MACROD2: variants seen among roughly 807,000 people sequenced by gnomAD.
The protein encoded by MACROD2 is ADP-ribose glycohydrolase MACROD2.
In MACROD2, 36 loss-of-function variants were observed where a neutral mutation model predicts 70.4. That is an observed-to-expected ratio of 0.51 (90% CI 0.39 to 0.68). The LOEUF is 0.68. MACROD2 is among the 30% of genes least tolerant of loss of function. MACROD2 has a pLI of 0.00. For missense variants in MACROD2, 496 were observed against 538.4 expected (o/e 0.92, Z 0.78); for synonymous variants, 172 against 178.8 (o/e 0.96, Z 0.30).
chr20:15,351,804 A>G (rs866230600), intron 6 of MACROD2, among the ~76,000 whole-genome samples: 4 of 152,168 alleles, frequency 2.6e-5, no homozygotes, highest in Non-Finnish European at 5.9e-5. Flanking sequence ...TCTTCACTGT[A>G]CCCTCTACTA....
chr20:15,798,278 T>G (rs1193174336), intron 8 of MACROD2, among the ~76,000 whole-genome samples: 1 of 152,152 alleles, frequency 6.6e-6, no homozygotes, highest in African/African-American at 2.4e-5. Flanking sequence ...CAAATGCCTG[T>G]GATTGGGTGC....
chr20:14,383,180 A>G (rs1161351415), intron 3 of MACROD2, among the ~76,000 whole-genome samples: 4 of 152,208 alleles, frequency 2.6e-5, no homozygotes, highest in African/African-American at 7.2e-5. Flanking sequence ...CTAAGTACCA[A>G]TTGAAGGGAC....
chr20:14,762,769 A>C (rs936318849), intron 5 of MACROD2, among the ~76,000 whole-genome samples: 9 of 151,994 alleles, frequency 5.9e-5, no homozygotes, highest in Admixed American at 5.9e-4. Flanking sequence ...GTCTCTACTG[A>C]AAATGCAAAA....
At chr20:14,806,928 G>A (rs2072646255) in intron 5 of MACROD2, among the ~76,000 whole-genome samples, 1 of 152,156 alleles carries the variant, frequency 6.6e-6, no homozygotes, top group Non-Finnish European at 1.5e-5. Flanking sequence ...TGAAATAAAG[G>A]CAGCAGCCCC....
At chr20:14,268,477 AT>A (rs2082162639) in intron 3 of MACROD2, among the ~76,000 whole-genome samples, 1 of 152,120 alleles carries the variant, frequency 6.6e-6, no homozygotes, top group Non-Finnish European at 1.5e-5. Flanking sequence ...AATCCCCTAT[AT>A]TTCTTGTAAA....
At chr20:14,669,487 G>A (rs2123556708) in intron 4 of MACROD2, among the ~76,000 whole-genome samples, 1 of 152,188 alleles carries the variant, frequency 6.6e-6, no homozygotes, top group Admixed American at 6.5e-5. Flanking sequence ...TGGGGTATAA[G>A]CCATAAAATG....
chr20:15,544,728 A>G (rs1244088760), intron 8 of MACROD2, among the ~76,000 whole-genome samples: 3 of 152,138 alleles, frequency 2.0e-5, no homozygotes, highest in Non-Finnish European at 4.4e-5. Flanking sequence ...CTTAGTTGCT[A>G]TTGTCTTTGT....
chr20:15,729,355 T>C (rs1329779944), intron 8 of MACROD2, among the ~76,000 whole-genome samples: 3 of 152,228 alleles, frequency 2.0e-5, no homozygotes, highest in Non-Finnish European at 4.4e-5. Flanking sequence ...GAAGAATGCA[T>C]ATTCTGTTCT....
chr20:14,093,978 GT>G (rs1185276692), intron 3 of MACROD2, among the ~76,000 whole-genome samples: 5,900 of 148,084 alleles, frequency 0.04, 152 homozygotes, highest in African/African-American at 0.074. Flanking sequence ...GAGGGCTGAG[GT>G]TTTTTTTTTT....
At chr20:14,609,961 C>T (rs1429181793) in intron 4 of MACROD2, among the ~76,000 whole-genome samples, 1 of 152,048 alleles carries the variant, frequency 6.6e-6, no homozygotes, top group African/African-American at 2.4e-5. Flanking sequence ...TTTTGTTCTT[C>T]TTTTTTCGTA....
intron 4 of MACROD2, among the ~76,000 whole-genome samples, chr20:14,495,578 A>T (rs1304629759): frequency 2.0e-5 from 3 of 152,194 alleles, no homozygotes; most frequent in African/African-American, 7.2e-5. Flanking sequence ...AAAACAGTGT[A>T]ATGTACCTGC....
At chr20:15,636,089 A>AAAAAAAAAAAAGAAAG (rs1459679844) in intron 8 of MACROD2, among the ~76,000 whole-genome samples, 1 of 134,982 alleles carries the variant, frequency 7.4e-6, no homozygotes, top group African/African-American at 2.7e-5. Context: ...AAAAAAAAAA[A>AAAAAAAAAAAAGAAAG]AAAGAAAGAA....
chr20:15,940,351 C>A (rs187067257), intron 12 of MACROD2, among the ~76,000 whole-genome samples: 2 of 152,124 alleles, frequency 1.3e-5, no homozygotes, highest in Admixed American at 1.3e-4. Context: ...CCGCCTTGGC[C>A]TCCCAAAGTG....
At chr20:15,407,489 G>A (rs2146318786) in intron 6 of MACROD2, among the ~76,000 whole-genome samples, 1 of 152,272 alleles carries the variant, frequency 6.6e-6, no homozygotes, top group African/African-American at 2.4e-5. Flanking sequence ...GTCTGGTTTT[G>A]GGGATCCCAA....
intron 15 of MACROD2, among the ~76,000 whole-genome samples, chr20:15,993,328 C>G (rs1295910804): frequency 2.0e-5 from 3 of 151,220 alleles, no homozygotes; most frequent in African/African-American, 7.3e-5. Context: ...TCGTATATGT[C>G]CCGGTGGTCC....
At chr20:15,044,982 G>C (rs1011453127) in intron 5 of MACROD2, among the ~76,000 whole-genome samples, 2 of 152,090 alleles carry the variant, frequency 1.3e-5, no homozygotes, top group Non-Finnish European at 2.9e-5. Context: ...GTCAATGTAA[G>C]AGTTTTCTAC....
intron 6 of MACROD2, among the ~76,000 whole-genome samples, chr20:15,257,194 T>G (rs1361103899): frequency 6.6e-6 from 1 of 152,064 alleles, no homozygotes; most frequent in Non-Finnish European, 1.5e-5. Flanking sequence ...TATACATACC[T>G]GTGAAACACC....
At chr20:14,106,052 C>T (rs956063576) in intron 3 of MACROD2, among the ~76,000 whole-genome samples, 1 of 152,126 alleles carries the variant, frequency 6.6e-6, no homozygotes, top group Non-Finnish European at 1.5e-5. Flanking sequence ...GCTGTGGTGG[C>T]TATGGTGAAA....
intron 4 of MACROD2, among the ~76,000 whole-genome samples, chr20:14,543,525 G>A (rs1055750395): frequency 1.3e-5 from 2 of 151,964 alleles, no homozygotes. Context: ...AAAATAATTG[G>A]CATATTGATA....
Sources: allele counts gnomAD v4.1 joint callset (sites outside exome capture counted in the v4.1 genomes callset), GRCh38; gene constraint gnomAD v4.1.1; transcripts MANE v1.5; gene names NCBI Gene and HGNC (gene_info 2026-07-23, HGNC 2026-07-21).